RNF125: variants seen among roughly 807,000 people sequenced by gnomAD.
RNF125 encodes the protein E3 ubiquitin-protein ligase RNF125.
RNF125 carries 21 observed loss-of-function variants against 26.0 expected under a neutral mutation model. The ratio of observed to expected loss-of-function variants is 0.81; its 90% confidence interval spans 0.57 to 1.16. The LOEUF is 1.16. RNF125 is among the 50% of genes most tolerant of loss of function. RNF125 has a pLI of 0.00. For synonymous variants in RNF125, 95 were observed against 109.2 expected (o/e 0.87, Z 0.81); for missense variants, 270 against 299.4 (o/e 0.90, Z 0.72).
In RNF125 at chr18:32,047,302, G is replaced by C. The variant is rs555692527; in HGVS notation, c.504+1570G>C. Among the ~76,000 whole-genome samples, 352 of 152,190 alleles carry C rather than the reference G, an allele frequency of 2.3e-3. 3 individuals carry two copies. Among genetic ancestry groups the C allele is most frequent in the African/African-American group, 8.0e-3 (332 of 41,522 alleles). On this transcript the variant is annotated intron_variant, in intron 4 of 5. Coordinates refer to ENST00000217740, the MANE Select transcript of RNF125 (RefSeq NM_017831.4). The stretch of plus-strand genomic sequence containing the variant: ...GTTCGCCCACGTCGGCCTCCCAAAG[G>C]CTGGGATTACAGGTGTGAGCCACCG...
the RNF125 span, among the ~76,000 whole-genome samples, chr18:32,089,734 G>A: frequency 1.3e-5 from 2 of 152,106 alleles, no homozygotes; most frequent in African/African-American, 2.4e-5. Flanking sequence ...TATACCGAAT[G>A]ACTTATTAGA....
Position 32,046,584 on chromosome 18 carries a change from G to A in RNF125, c.504+852G>A, listed in dbSNP as rs567489839. On this transcript the variant is annotated intron_variant, in intron 4 of 5. Coordinates refer to ENST00000217740, the MANE Select transcript of RNF125 (RefSeq NM_017831.4). The stretch of plus-strand genomic sequence containing the variant: ...TGCACTCCAGCCTGAGCGACAGAGC[G>A]AGACTCTGTCTCAAAAAAAAAAAAA... Among the ~76,000 whole-genome samples the A allele has an allele frequency of 4.6e-3, 586 of 127,484 alleles. 7 individuals carry two copies. Among genetic ancestry groups the A allele is most frequent in the African/African-American group, 0.016 (547 of 34,534 alleles). The allele number at this position is 127,484 out of a possible 152,430, so 83.6% of individuals were successfully genotyped here. A position where few individuals can be genotyped will look rare whatever the true frequency, so the allele number is the denominator to read the frequency against.
At position 32,020,509 on chromosome 18, in the gene RNF125, GAAGA is replaced by G. The variant is rs796369339; in HGVS notation, c.164+1489_164+1492del. On this transcript the variant is annotated intron_variant, in intron 1 of 5. Transcript: ENST00000217740. The stretch of plus-strand genomic sequence containing the variant: ...CTTGTACCAGCATTTGGCTTAGCAG[GAAGA>G]AAGAAATACCGTTATTATGAATGCA... Among the ~76,000 whole-genome samples, 243 of 151,860 alleles carry G rather than the reference GAAGA, an allele frequency of 1.6e-3. 4 individuals carry two copies. Among genetic ancestry groups the G allele is most frequent in the African/African-American group, 5.6e-3 (231 of 41,516 alleles).
chr18:32,063,986 C>T (rs532172289), intron 4 of RNF125, among the ~76,000 whole-genome samples: 31 of 149,930 alleles, frequency 2.1e-4, no homozygotes, highest in Non-Finnish European at 3.7e-4. Context: ...TTTTTTTAAT[C>T]CATCAAGTCC....
intron 4 of RNF125, among the ~76,000 whole-genome samples, chr18:32,046,628 T>C (rs1246349106): frequency 1.3e-5 from 2 of 151,468 alleles, no homozygotes; most frequent in African/African-American, 4.8e-5. Context: ...GCAAATAGTG[T>C]TATTATGACA....
At chr18:32,057,177 C>T (rs1254551178) in intron 4 of RNF125, among the ~76,000 whole-genome samples, 1 of 152,134 alleles carries the variant, frequency 6.6e-6, no homozygotes, top group Non-Finnish European at 1.5e-5. Flanking sequence ...AAATAGAACA[C>T]AGCACTCCAA....
At chr18:32,045,934 A>G (rs1006603142) in intron 4 of RNF125, among the ~76,000 whole-genome samples, 2 of 152,166 alleles carry the variant, frequency 1.3e-5, no homozygotes, top group African/African-American at 2.4e-5. Flanking sequence ...TCACTCATTT[A>G]TGAAATTACA....
rs67968645 is a variant in RNF125 at position 32,055,979 on chromosome 18, CAAA to C, written c.505-9902_505-9900del. Among the ~76,000 whole-genome samples, 649 of 78,784 alleles carry C rather than the reference CAAA, an allele frequency of 8.2e-3. 2 individuals carry two copies. The highest frequency in any genetic ancestry group is 0.018 in the African/African-American group (349 of 18,966). 51.7% of individuals were successfully genotyped at this position (78,784 alleles called of 152,430 possible). On this transcript the variant is annotated intron_variant, in intron 4 of 5. Transcript: ENST00000217740. The stretch of plus-strand genomic sequence containing the variant: ...GGGTAACAAGAGTGAAACTCCATCT[CAAA>C]AAAAAAAAAAAAAAAAAAAAGAACA...
intron 4 of RNF125, among the ~76,000 whole-genome samples, chr18:32,062,443 C>T (rs189967959): frequency 1.9e-4 from 29 of 151,984 alleles, no homozygotes; most frequent in Non-Finnish European, 7.4e-5. Context: ...TGCCAATTAA[C>T]CAAGAACATT....
chr18:32,089,705 C>G, the RNF125 span, among the ~76,000 whole-genome samples: 1 of 152,170 alleles, frequency 6.6e-6, no homozygotes, highest in African/African-American at 2.4e-5. Context: ...CCACATATTG[C>G]CAGCTATATG....
At chr18:32,055,299 TAAA>T (rs201480477) in intron 4 of RNF125, among the ~76,000 whole-genome samples, 2,549 of 141,858 alleles carry the variant, frequency 0.018, 54 homozygotes, top group African/African-American at 0.053. Flanking sequence ...ACCATGTCTC[TAAA>T]AAAAAAAAAA....
At chr18:32,080,031 T>C in the RNF125 span, among the ~76,000 whole-genome samples, 1 of 152,176 alleles carries the variant, frequency 6.6e-6, no homozygotes, top group Non-Finnish European at 1.5e-5. Flanking sequence ...TTTTTGTTTT[T>C]GTTTTGTTTT....
rs183253921 is a variant in RNF125, at chr18:32,044,875, C to T, written c.414-767C>T. Among the ~76,000 whole-genome samples, 11 of 152,104 alleles carry T rather than the reference C, an allele frequency of 7.2e-5. No individual in the cohort carries two copies. The East Asian group carries it at 2.1e-3, about 29-fold the overall frequency. On this transcript the variant is annotated intron_variant, in intron 3 of 5. Coordinates refer to ENST00000217740, the MANE Select transcript of RNF125 (RefSeq NM_017831.4). ...GTGGCTCACACCCGAAATCTCAGCA[C>T]TTTGGGAGGTCAAGGCGGGTGGATT...
chr18:32,019,200 G>A (rs1394790362), intron 1 of RNF125, among the ~76,000 whole-genome samples, 173 bp downstream of exon 1: 1 of 152,164 alleles, frequency 6.6e-6, no homozygotes, highest in African/African-American at 2.4e-5. Flanking sequence ...GGGTCGGAAG[G>A]TGACACAGGA....
chr18:32,066,202 C>A, intron 5 of RNF125, 193 bp downstream of exon 5: 1 of 386,650 alleles, frequency 2.6e-6, no homozygotes, highest in Non-Finnish European at 4.8e-6. Context: ...GTAATCCCAA[C>A]ACTTTGGGAG....
At chr18:32,056,125 T>C (rs894563961) in intron 4 of RNF125, among the ~76,000 whole-genome samples, 3 of 152,092 alleles carry the variant, frequency 2.0e-5, no homozygotes, top group Admixed American at 6.6e-5. Context: ...ACTTTTTTTT[T>C]CCTGGAATTT....
At chr18:32,054,181 C>T (rs2039357956) in intron 4 of RNF125, among the ~76,000 whole-genome samples, 1 of 151,132 alleles carries the variant, frequency 6.6e-6, no homozygotes, top group Non-Finnish European at 1.5e-5. Context: ...GCAACCTCCA[C>T]CTCCTGGGTT....
chr18:32,026,242 C>CTTTTTTTTTTT (rs1181390375), intron 1 of RNF125, among the ~76,000 whole-genome samples: 17 of 73,142 alleles, frequency 2.3e-4, no homozygotes, highest in African/African-American at 5.2e-4. Flanking sequence ...AGCACCCGGT[C>CTTTTTTTTTTT]TTTTTTTTTT....
chr18:32,022,143 T>C (rs1477634696), intron 1 of RNF125, among the ~76,000 whole-genome samples: 1 of 152,248 alleles, frequency 6.6e-6, no homozygotes, highest in Non-Finnish European at 1.5e-5. Flanking sequence ...GAACCTTCTG[T>C]ATTTTATTAT....
Sources: allele counts gnomAD v4.1 joint callset (sites outside exome capture counted in the v4.1 genomes callset), GRCh38; gene constraint gnomAD v4.1.1; transcripts MANE v1.5; gene names NCBI Gene and HGNC (gene_info 2026-07-23, HGNC 2026-07-21).